The following MROH9 variants were observed in gnomAD, a reference collection of about 807,000 sequenced individuals.
The protein encoded by MROH9 is maestro heat-like repeat-containing protein family member 9.
In MROH9, 92 loss-of-function variants were observed where a neutral mutation model predicts 98.2. That is an observed-to-expected ratio of 0.94 (90% confidence interval 0.79 to 1.11). The LOEUF is 1.11. Ranked by LOEUF, MROH9 falls within the 50% of genes most tolerant of loss-of-function variation. MROH9 has a pLI of 0.00. For missense variants in MROH9, 1,057 were observed against 1,014.8 expected (o/e 1.04, Z -0.57); for synonymous variants, 397 against 368.9 (o/e 1.08, Z -0.87).
intron 17 of MROH9, among the ~76,000 whole-genome samples, chr1:171,022,414 G>T (rs1652550295): frequency 6.6e-6 from 1 of 152,206 alleles, no homozygotes; most frequent in African/African-American, 2.4e-5. Context: ...CTACTATGCA[G>T]CCATAAAAAG....
intron 20 of MROH9, among the ~76,000 whole-genome samples, chr1:171,057,802 G>A (rs1482417176): frequency 6.6e-6 from 1 of 152,102 alleles, no homozygotes; most frequent in African/African-American, 2.4e-5. Context: ...GAACAGATTG[G>A]GGGCCAAATT....
intron 15 of MROH9, among the ~76,000 whole-genome samples, chr1:170,999,676 C>T (rs1379879928): frequency 2.0e-5 from 3 of 152,026 alleles, no homozygotes; most frequent in Admixed American, 1.3e-4. Flanking sequence ...GTCTTATTTT[C>T]CTCTGGGTAG....
intron 8 of MROH9, among the ~76,000 whole-genome samples, chr1:170,982,366 T>A (rs187442084): frequency 3.4e-4 from 52 of 152,274 alleles, no homozygotes; most frequent in African/African-American, 1.1e-3. Flanking sequence ...ATATATGGTA[T>A]GATCCACTTA....
chr1:170,947,583 A>G lies in MROH9; in HGVS notation c.72+10A>G, dbSNP rs563218955. ...GAAATGGCACCACATGGTAAGTGAT[A>G]TTCTATAAGGATATCAACGTAACTG... On this transcript the variant is annotated intron_variant, in intron 3 of 21. Coordinates refer to ENST00000367759, the MANE Select transcript of MROH9 (RefSeq NM_001163629.2). The G allele has an allele frequency of 1.2e-6, 2 of 1,606,032 alleles. No homozygotes were observed. Among genetic ancestry groups the G allele is most frequent in the East Asian group, 2.2e-5 (1 of 44,754 alleles).
chr1:171,009,039 A>T (rs981101374), intron 15 of MROH9, among the ~76,000 whole-genome samples: 1 of 149,902 alleles, frequency 6.7e-6, no homozygotes, highest in African/African-American at 2.4e-5. Flanking sequence ...TAAGGATTTT[A>T]AAATATAAGG....
chr1:170,949,746 G>T (rs980374601), intron 3 of MROH9, among the ~76,000 whole-genome samples: 2 of 151,958 alleles, frequency 1.3e-5, no homozygotes, highest in African/African-American at 4.8e-5. Context: ...AGGGCTGTTG[G>T]GGGCACCACC....
At chr1:171,056,982 CAA>C (rs1212823636) in intron 20 of MROH9, among the ~76,000 whole-genome samples, 1 of 152,170 alleles carries the variant, frequency 6.6e-6, no homozygotes, top group Non-Finnish European at 1.5e-5. Flanking sequence ...CTCAAACTCA[CAA>C]AACTAGGCAA....
At chr1:171,036,922 A>C (rs531461128) in intron 20 of MROH9, among the ~76,000 whole-genome samples, 1 of 151,812 alleles carries the variant, frequency 6.6e-6, no homozygotes, top group Admixed American at 6.6e-5. Flanking sequence ...TCTGGAAAAC[A>C]GTAAGAAAAA....
chr1:170,951,552 G>T (rs145214143), intron 3 of MROH9, among the ~76,000 whole-genome samples: 17 of 152,232 alleles, frequency 1.1e-4, no homozygotes, highest in African/African-American at 3.4e-4. Context: ...ACATAAACTT[G>T]CTTGATGTAG....
In MROH9 at chr1:171,024,776, C is replaced by T. The variant is rs1442707637; in HGVS notation, c.2178+11C>T. 3.4e-6 allele frequency: 5 copies of T among 1,476,304 alleles called. No homozygotes were observed. The African/African-American group carries it at 4.2e-5, about 12-fold the overall frequency. 91.5% of individuals were successfully genotyped at this position (1,476,304 alleles called of 1,614,324 possible). ...ATCTGTAACAATCTTGTAAGTGGCC[C>T]TTCCATTTTTACTACTATAAGAGTT... is the stretch of plus-strand genomic sequence containing the variant. On this transcript the variant is annotated intron_variant, in intron 19 of 21. Transcript: ENST00000367759.
At chr1:170,959,357 A>G (rs1353385618) in intron 4 of MROH9, 105 bp from the exon 5 acceptor site, 34 of 1,084,088 alleles carry the variant, frequency 3.1e-5, no homozygotes, top group Non-Finnish European at 3.7e-5. Flanking sequence ...CCTGGGTGAC[A>G]GAGCGAGACT....
intron 10 of MROH9, 73 bp from the exon 11 acceptor site, chr1:170,989,782 C>G: frequency 7.3e-7 from 1 of 1,373,808 alleles, no homozygotes; most frequent in East Asian, 2.3e-5. Context: ...ATTCTTATGT[C>G]CAAGAAATGC....
intron 20 of MROH9, among the ~76,000 whole-genome samples, chr1:171,032,728 C>A (rs1041064240): frequency 4.6e-5 from 7 of 152,184 alleles, no homozygotes; most frequent in African/African-American, 1.7e-4. Context: ...TTCTGACAAA[C>A]CCTGTTGGAG....
chr1:170,976,174 A>C (rs2101791304), intron 8 of MROH9, among the ~76,000 whole-genome samples: 1 of 152,130 alleles, frequency 6.6e-6, no homozygotes, highest in Admixed American at 6.6e-5. Flanking sequence ...TTATTTATGG[A>C]TTTGATCCTG....
chr1:171,022,724 C>A (rs1652560297), intron 17 of MROH9, among the ~76,000 whole-genome samples: 1 of 151,880 alleles, frequency 6.6e-6, no homozygotes, highest in African/African-American at 2.4e-5. Flanking sequence ...TTGTAACAAA[C>A]CTAAACTTTC....
rs138711657 is a variant in MROH9, at chr1:171,048,898, G to A, written c.2282-13234G>A. On this transcript the variant is annotated intron_variant, in intron 20 of 21. Coordinates refer to ENST00000367759, the MANE Select transcript of MROH9 (RefSeq NM_001163629.2). ...GCCAGGACAGACCTTTTCCTTCAAGGCAGTGGGTTCCCTTTTGGCCCAGGG... is the reference window on the plus strand; with the variant it reads ...GCCAGGACAGACCTTTTCCTTCAAGACAGTGGGTTCCCTTTTGGCCCAGGG... 4.0e-3 allele frequency among the ~76,000 whole-genome samples: 606 copies of A among 152,250 alleles called. 3 individuals carry two copies. Among genetic ancestry groups the A allele is most frequent in the African/African-American group, 0.014 (578 of 41,548 alleles).
chr1:171,016,435 G>A (rs1652330640), intron 17 of MROH9, 99 bp downstream of exon 17: 2 of 880,562 alleles, frequency 2.3e-6, no homozygotes, highest in African/African-American at 1.8e-5. Flanking sequence ...AAGCCAATAG[G>A]AGAAGAAGCC....
chr1:170,982,291 C>T (rs550658247), intron 8 of MROH9, among the ~76,000 whole-genome samples: 45 of 151,966 alleles, frequency 3.0e-4, no homozygotes, highest in African/African-American at 9.7e-4. Context: ...TTAATATGTA[C>T]GAAAACATGG....
rs747966542 is a variant in MROH9, at chr1:170,992,127, A to T, written c.1029-37A>T. 4 of 1,554,078 alleles carry T rather than the reference A, an allele frequency of 2.6e-6. 1 individual carries two copies. The highest frequency in any genetic ancestry group is 2.0e-4 in the Middle Eastern group (1 of 4,964). Reference sequence around the variant, plus strand: ...TTCTATCAAGTAGGACATGACAAACATGATTCTCATTGTGTGGGGTGGGGC... The same window carrying T: ...TTCTATCAAGTAGGACATGACAAACTTGATTCTCATTGTGTGGGGTGGGGC... On this transcript the variant is annotated intron_variant, in intron 11 of 21. Coordinates refer to ENST00000367759, the MANE Select transcript of MROH9 (RefSeq NM_001163629.2).
Sources: allele counts gnomAD v4.1 joint callset (sites outside exome capture counted in the v4.1 genomes callset), GRCh38; gene constraint gnomAD v4.1.1; transcripts MANE v1.5; gene names NCBI Gene and HGNC (gene_info 2026-07-23, HGNC 2026-07-21).